ENO2: variants seen among roughly 807,000 people sequenced by gnomAD.
ENO2 encodes the protein gamma-enolase.
ENO2 carries 19 observed loss-of-function variants against 48.7 expected under a neutral mutation model. That is an observed-to-expected ratio of 0.39 (90% CI 0.27 to 0.57). The LOEUF (loss-of-function observed/expected upper bound fraction) is 0.57. ENO2 is among the 20% of genes least tolerant of loss of function. ENO2 has a pLI of 0.58. For missense variants in ENO2, 416 were observed against 555.0 expected (o/e 0.75, Z 2.52); for synonymous variants, 198 against 213.4 (o/e 0.93, Z 0.63).
At position 6,923,018 on chromosome 12, in the gene ENO2, ACTT is replaced by A. The variant is rs1395100325; in HGVS notation, c.*223_*225del. The A allele has an allele frequency of 4.7e-5, 25 of 534,978 alleles. No individual in the cohort carries two copies. The highest frequency in any genetic ancestry group is 3.3e-4 in the East Asian group (11 of 33,164). The allele number at this position is 534,978 out of a possible 1,614,324, so 33.1% of individuals were successfully genotyped here. ...TACTCATTGGGGTTCCGCACTTTCC[ACTT>A]CTTCCTTTCTCTTTCTCTCTTCCCT... On this transcript the variant is annotated 3_prime_UTR_variant, in exon 12 of 12. Transcript: ENST00000229277.
At chr12:6,921,930 C>T (rs1044347133) in intron 9 of ENO2, 126 bp from the exon 10 acceptor site, 12 of 1,496,382 alleles carry the variant, frequency 8.0e-6, no homozygotes, top group African/African-American at 6.9e-5. Context: ...GCCCCTCCAC[C>T]CCTGATTCTC....
In ENO2 at chr12:6,917,684, C is replaced by G. The variant is rs782152531; in HGVS notation, c.414C>G (p.Ala138=). The G allele has an allele frequency of 1.8e-5, 25 of 1,391,634 alleles. No individual in the cohort carries two copies. The highest frequency in any genetic ancestry group is 5.7e-5 in the Admixed American group (3 of 52,756). The allele number at this position is 1,391,634 out of a possible 1,614,324, so 86.2% of individuals were successfully genotyped here. ...LPLYRHIAQL[A]GNSDLILPVP... ...TGTATCGCCACATTGCTCAGCTGGC[C>G]GGGAACTCAGACCTCATCCTGCCTG... Residue 138 remains alanine (A), a synonymous_variant, in exon 6 of 12, where the codon GCC becomes GCG. Transcript: ENST00000229277.
At chr12:6,915,996 CT>C in intron 2 of ENO2, 79 bp downstream of exon 2, 50 of 1,467,982 alleles carry the variant, frequency 3.4e-5, no homozygotes, top group Non-Finnish European at 3.7e-5. Flanking sequence ...GTTCGGAGGC[CT>C]TTTTTGATAC....
chr12:6,922,310 G>T lies in ENO2; in HGVS notation c.1177-34G>T, dbSNP rs185321238. On this transcript the variant is annotated intron_variant, in intron 10 of 11. Transcript: ENST00000229277. The surrounding 1 kb of genome is among the most constrained non-coding windows in gnomAD (Gnocchi z 5.3). ...GTTTCCTTTCAGGGGTGAGAGGGCA[G>T]TCACTGAGCTGCAAATCCTTTGAAA... The T allele has an allele frequency of 3.6e-3, 5,874 of 1,614,146 alleles. 20 individuals carry two copies. Among genetic ancestry groups the T allele is most frequent in the South Asian group, 6.0e-3 (550 of 91,080 alleles).
At chr12:6,915,948 C>T in intron 2 of ENO2, 31 bp downstream of exon 2, 1 of 1,611,804 alleles carries the variant, frequency 6.2e-7, no homozygotes, top group Non-Finnish European at 8.5e-7. Flanking sequence ...CTTCCTACAG[C>T]CCTAGCTTTT....
At chr12:6,919,801 G>A (rs1945323807) in intron 8 of ENO2, 38 bp downstream of exon 8, 5 of 1,605,542 alleles carry the variant, frequency 3.1e-6, no homozygotes, top group Non-Finnish European at 4.3e-6. Flanking sequence ...TCTGGGGGCA[G>A]GCAGGGACGT....
At position 6,922,695 on chromosome 12, in the gene ENO2, T is replaced by A; in HGVS notation, c.1236-36T>A. The A allele has an allele frequency of 6.2e-7, 1 of 1,613,086 alleles. No individual in the cohort carries two copies. Among genetic ancestry groups the A allele is most frequent in the Non-Finnish European group, 8.5e-7 (1 of 1,179,130 alleles). ...GAGAGAGAAGCAGGATCCTCCTGCA[T>A]CCCTGACCACTTCCTTTGTGGTTCA... On this transcript the variant is annotated intron_variant, in intron 11 of 11. Coordinates refer to ENST00000229277, the MANE Select transcript of ENO2 (RefSeq NM_001975.3). The surrounding 1 kb of genome is among the most constrained non-coding windows in gnomAD (Gnocchi z 5.3).
intron 5 of ENO2, 153 bp downstream of exon 5, chr12:6,917,260 G>A (rs1945300352): frequency 1.0e-6 from 1 of 965,580 alleles, no homozygotes; most frequent in Non-Finnish European, 1.5e-6. Context: ...GATGAGTTTA[G>A]CTGCAGAGGG....
chr12:6,922,295 A>C lies in ENO2; in HGVS notation c.1177-49A>C. The C allele has an allele frequency of 6.2e-7, 1 of 1,613,770 alleles. No homozygotes were observed. The highest frequency in any genetic ancestry group is 8.5e-7 in the Non-Finnish European group (1 of 1,179,736). ...TTCAGGAGAGCAGAAGTTTCCTTTC[A>C]GGGGTGAGAGGGCAGTCACTGAGCT... On this transcript the variant is annotated intron_variant, in intron 10 of 11. Coordinates refer to ENST00000229277, the MANE Select transcript of ENO2 (RefSeq NM_001975.3). This position sits in a 1 kb window ranked among gnomAD's most constrained non-coding sequence, Gnocchi z 5.3.
chr12:6,916,145 T>C lies in ENO2; in HGVS notation c.85+228T>C, dbSNP rs1945289757. Among the ~76,000 whole-genome samples, 1 of 152,122 alleles carries C rather than the reference T, an allele frequency of 6.6e-6. No homozygotes were observed. The highest frequency in any genetic ancestry group is 1.5e-5 in the Non-Finnish European group (1 of 68,010). On this transcript the variant is annotated intron_variant, in intron 2 of 11. Transcript: ENST00000229277. The surrounding 1 kb of genome is among the most constrained non-coding windows in gnomAD (Gnocchi z 4.5). ...CATGTCCTGCCTCCGTGTGTCTGCC[T>C]GTGCACTTGCATGTGTGCAGACGTG...
chr12:6,922,425 C>CCCCT lies in ENO2; in HGVS notation c.1235+24_1235+27dup. Reference sequence around the variant, plus strand: ...GAGGTGAGGGTCCCTGGGGTGGGAGCCCCTGGCCCAGATGGCTAAAGGCCC... The same window carrying CCCCT: ...GAGGTGAGGGTCCCTGGGGTGGGAGCCCCTCCCTGGCCCAGATGGCTAAAGGCCC... On this transcript the variant is annotated intron_variant, in intron 11 of 11. Transcript: ENST00000229277. The surrounding 1 kb of genome is among the most constrained non-coding windows in gnomAD (Gnocchi z 5.3). The CCCCT allele has an allele frequency of 6.2e-7, 1 of 1,613,992 alleles. No homozygotes were observed. The highest frequency in any genetic ancestry group is 1.1e-5 in the South Asian group (1 of 91,074).
chr12:6,915,627 C>T (rs1945282962), intron 1 of ENO2, 194 bp from the exon 2 acceptor site: 2 of 585,634 alleles, frequency 3.4e-6, no homozygotes, highest in Non-Finnish European at 6.1e-6. Context: ...CTGCATTGAC[C>T]TTCTCCTCTT....
intron 7 of ENO2, among the ~76,000 whole-genome samples, 170 bp downstream of exon 7, chr12:6,918,332 A>T (rs1425048485): frequency 1.3e-5 from 2 of 151,556 alleles, no homozygotes; most frequent in African/African-American, 4.9e-5. Flanking sequence ...CCAAATTCAC[A>T]TGCAGACCTA....
In ENO2 at chr12:6,922,828, C is replaced by A. The variant is rs1555142270; in HGVS notation, c.*28C>A. On this transcript the variant is annotated 3_prime_UTR_variant, in exon 12 of 12. Transcript: ENST00000229277. This position sits in a 1 kb window ranked among gnomAD's most constrained non-coding sequence, Gnocchi z 5.3. ...CCTCTGCTTGCCTGGAGACGTGGAA[C>A]CTCTGTCTCATCCTCCTGGAACCTT... The A allele has an allele frequency of 6.2e-7, 1 of 1,611,296 alleles. No individual in the cohort carries two copies. The highest frequency in any genetic ancestry group is 2.2e-5 in the East Asian group (1 of 44,860).
intron 8 of ENO2, among the ~76,000 whole-genome samples, chr12:6,921,084 A>G (rs1363534832): frequency 6.6e-6 from 1 of 151,650 alleles, no homozygotes; most frequent in African/African-American, 2.4e-5. Flanking sequence ...TGGCCTCTCC[A>G]TGTAAGGTTT....
At position 6,922,083 on chromosome 12, in the gene ENO2, G is replaced by A; in HGVS notation, c.1095G>A (p.Trp365Ter). The change falls in exon 10 of 12, where the codon TGG becomes TGA. Residue 365 changes from tryptophan (W) to a stop codon, truncating the protein, a stop_gained. Transcript: ENST00000229277. LOFTEE classifies it high-confidence loss of function. This position sits in a 1 kb window ranked among gnomAD's most constrained non-coding sequence, Gnocchi z 5.3. The part of the protein sequence containing the change: ...QACKLAQENG[W>*]GVMVSHRSGE... ...GCAAGCTGGCCCAGGAGAATGGCTG[G>A]GGGGTCATGGTGAGTCATCGCTCAG... 1 of 1,614,170 alleles carries A rather than the reference G, an allele frequency of 6.2e-7. No homozygotes were observed. Among genetic ancestry groups the A allele is most frequent in the Non-Finnish European group, 8.5e-7 (1 of 1,180,030 alleles).
At chr12:6,920,707 T>A (rs367829525) in intron 8 of ENO2, among the ~76,000 whole-genome samples, 39,540 of 136,032 alleles carry the variant, frequency 0.29, 6,488 homozygotes, top group Middle Eastern at 0.4. Flanking sequence ...GCTGGTTTGC[T>A]TTTAATTAAC....
intron 1 of ENO2, 149 bp from the exon 2 acceptor site, chr12:6,915,672 A>G (rs546672184): frequency 1.0e-5 from 6 of 589,694 alleles, no homozygotes; most frequent in African/African-American, 1.9e-5. Flanking sequence ...CTACAGCCCT[A>G]GACTGCAGCC....
chr12:6,918,248 G>A, intron 7 of ENO2, 86 bp downstream of exon 7: 3 of 1,424,436 alleles, frequency 2.1e-6, no homozygotes, highest in Non-Finnish European at 2.9e-6. Context: ...CAAGTCCTGA[G>A]TAGGCGTGGA....
Sources: gnomAD v4.1 joint callset for allele counts (sites outside exome capture counted in the v4.1 genomes callset) on GRCh38, gnomAD v4.1.1 for gene constraint, Gnocchi (gnomAD v3.1) non-coding constraint, MANE v1.5 for transcripts, NCBI Gene and HGNC (gene_info 2026-07-23, HGNC 2026-07-21) for gene names.